The following EXOSC7 variants were observed in gnomAD, a reference collection of about 807,000 sequenced individuals.
EXOSC7 encodes the protein exosome complex component RRP42.
EXOSC7 carries 25 observed loss-of-function variants against 34.3 expected under a neutral mutation model. The observed-to-expected ratio is 0.73, with a 90% CI of 0.53 to 1.02. The LOEUF (loss-of-function observed/expected upper bound fraction) is 1.02. Ranked by LOEUF, EXOSC7 falls within the 50% of genes least tolerant of loss-of-function variation. The probability of loss-of-function intolerance (pLI) is 0.00; values close to 1 mark genes in which losing one functional copy is unlikely to be tolerated. For missense variants in EXOSC7, 370 were observed against 368.5 expected (o/e 1.00, Z -0.03); for synonymous variants, 130 against 143.0 (o/e 0.91, Z 0.65).
At chr3:44,987,092 TAAA>T (rs34686659) in intron 1 of EXOSC7, among the ~76,000 whole-genome samples, 7 of 136,206 alleles carry the variant, frequency 5.1e-5, no homozygotes, top group African/African-American at 1.1e-4. Flanking sequence ...AGTTAAGTGT[TAAA>T]AAAAAAAAAA....
rs1463446796 is a variant in EXOSC7, at chr3:45,001,711, AAC to A, written c.491+105_491+106del. Reference sequence around the variant, plus strand: ...TCTATTGTAGCTCATATGTGAAGATAACAGGGGGTTTTAACATTGAAAATGGT... The same window carrying A: ...TCTATTGTAGCTCATATGTGAAGATAAGGGGGTTTTAACATTGAAAATGGT... On this transcript the variant is annotated intron_variant, in intron 5 of 7. Coordinates refer to ENST00000265564, the MANE Select transcript of EXOSC7 (RefSeq NM_015004.4). The A allele has an allele frequency of 8.4e-6, 7 of 829,772 alleles. No homozygotes were observed. In the East Asian group the frequency reaches 1.5e-4, roughly 17 times the overall value. The allele number at this position is 829,772 out of a possible 1,614,324, so 51.4% of individuals were successfully genotyped here.
At chr3:44,982,513 A>G (rs1706298860) in intron 1 of EXOSC7, among the ~76,000 whole-genome samples, 1 of 152,196 alleles carries the variant, frequency 6.6e-6, no homozygotes, top group Non-Finnish European at 1.5e-5. Context: ...TGTGAAAGCC[A>G]TTTTATTGTA....
intron 3 of EXOSC7, among the ~76,000 whole-genome samples, chr3:44,989,915 T>C (rs1296904681): frequency 6.6e-6 from 1 of 152,146 alleles, no homozygotes; most frequent in African/African-American, 2.4e-5. Flanking sequence ...CACATGATTG[T>C]GATGAGGGTC....
chr3:44,985,672 C>G (rs1576004379), intron 1 of EXOSC7, among the ~76,000 whole-genome samples: 1 of 152,122 alleles, frequency 6.6e-6, no homozygotes, highest in East Asian at 1.9e-4. Context: ...TGAGCAGTAG[C>G]AAGATTTATT....
intron 4 of EXOSC7, among the ~76,000 whole-genome samples, chr3:45,001,068 A>G (rs754985564): frequency 3.9e-5 from 6 of 152,178 alleles, no homozygotes; most frequent in Admixed American, 6.5e-5. Flanking sequence ...GAGAGAAGCC[A>G]CATGTTATCT....
At chr3:45,006,149 C>A (rs1476727113) in intron 6 of EXOSC7, among the ~76,000 whole-genome samples, 1 of 134,128 alleles carries the variant, frequency 7.5e-6, no homozygotes, top group Non-Finnish European at 1.5e-5. Flanking sequence ...GCGATCTCAG[C>A]TCACTGCAAC....
At chr3:44,977,594 A>G (rs1706122668) in intron 1 of EXOSC7, among the ~76,000 whole-genome samples, 1 of 152,254 alleles carries the variant, frequency 6.6e-6, no homozygotes. Flanking sequence ...TGTGTGTATT[A>G]CAGGGTAACA....
At chr3:44,983,145 A>C (rs944900682) in intron 1 of EXOSC7, among the ~76,000 whole-genome samples, 2 of 152,200 alleles carry the variant, frequency 1.3e-5, no homozygotes, top group Admixed American at 1.3e-4. Flanking sequence ...ATTAAGAAGT[A>C]ATAGGACTGG....
chr3:44,977,034 CA>C (rs199942682), intron 1 of EXOSC7: 25 of 150,080 alleles, frequency 1.7e-4, no homozygotes, highest in Non-Finnish European at 3.4e-4. Context: ...AGCCGAGTCT[CA>C]AAAAAAAAGC....
intron 1 of EXOSC7, among the ~76,000 whole-genome samples, chr3:44,980,218 G>T (rs1435598707): frequency 1.3e-5 from 2 of 152,068 alleles, no homozygotes; most frequent in Non-Finnish European, 2.9e-5. Context: ...AGCCAGCAAA[G>T]GGAGTCTAGG....
intron 1 of EXOSC7, among the ~76,000 whole-genome samples, chr3:44,983,116 C>T (rs1049744345): frequency 2.0e-5 from 3 of 152,152 alleles, no homozygotes; most frequent in Admixed American, 1.3e-4. Context: ...AGATTGGTAG[C>T]GCCAACTTGT....
intron 3 of EXOSC7, among the ~76,000 whole-genome samples, chr3:44,990,450 T>C (rs1706538684): frequency 6.6e-6 from 1 of 152,156 alleles, no homozygotes; most frequent in Non-Finnish European, 1.5e-5. Context: ...CTTCTATCAA[T>C]TACTTTGCTT....
intron 1 of EXOSC7, among the ~76,000 whole-genome samples, chr3:44,988,180 A>G (rs1706472953): frequency 6.6e-6 from 1 of 152,226 alleles, no homozygotes; most frequent in Non-Finnish European, 1.5e-5. Context: ...AAGAGGATAG[A>G]TATCTTGTGT....
At chr3:44,982,164 G>A (rs1706288939) in intron 1 of EXOSC7, among the ~76,000 whole-genome samples, 1 of 152,158 alleles carries the variant, frequency 6.6e-6, no homozygotes, top group East Asian at 1.9e-4. Flanking sequence ...ATCATGACCT[G>A]TCAGCTCCTC....
At chr3:45,008,586 T>C (rs1707120833) in intron 7 of EXOSC7, among the ~76,000 whole-genome samples, 1 of 152,188 alleles carries the variant, frequency 6.6e-6, no homozygotes, top group Admixed American at 6.5e-5. Flanking sequence ...AATAGTAATA[T>C]CTGCCCAGAC....
chr3:44,998,858 C>T (rs1362427756), intron 4 of EXOSC7, among the ~76,000 whole-genome samples: 1 of 152,142 alleles, frequency 6.6e-6, no homozygotes, highest in African/African-American at 2.4e-5. Context: ...TGGGACCTGG[C>T]AGCCTGTAGT....
chr3:44,992,161 C>G (rs1706591668), intron 3 of EXOSC7, among the ~76,000 whole-genome samples: 1 of 152,190 alleles, frequency 6.6e-6, no homozygotes, highest in Non-Finnish European at 1.5e-5. Context: ...GCCACACACC[C>G]ACTCCCACCT....
At chr3:44,986,621 AG>A (rs1266034057) in intron 1 of EXOSC7, among the ~76,000 whole-genome samples, 2 of 152,228 alleles carry the variant, frequency 1.3e-5, no homozygotes, top group Non-Finnish European at 2.9e-5. Flanking sequence ...GCCGAGAGCA[AG>A]CGAGGGCTGT....
At chr3:44,981,794 G>A (rs1400865354) in intron 1 of EXOSC7, among the ~76,000 whole-genome samples, 1 of 152,134 alleles carries the variant, frequency 6.6e-6, no homozygotes, top group African/African-American at 2.4e-5. Context: ...TGTAGGCCTA[G>A]CTGCTTGGGA....
Sources: gnomAD v4.1 joint callset for allele counts (sites outside exome capture counted in the v4.1 genomes callset) on GRCh38, gnomAD v4.1.1 for gene constraint, MANE v1.5 for transcripts, NCBI Gene and HGNC (gene_info 2026-07-23, HGNC 2026-07-21) for gene names.